Variants in FAF1 observed in about 807,000 individuals in gnomAD.
FAF1 encodes Fas associated factor 1.
FAF1 carries 25 observed loss-of-function variants against 92.5 expected under a neutral mutation model. The observed-to-expected ratio is 0.27, with a 90% confidence interval of 0.20 to 0.38. FAF1 has a LOEUF of 0.38. FAF1 is among the 10% of genes least tolerant of loss of function. FAF1 has a pLI of 1.00. For missense variants in FAF1, 636 were observed against 793.3 expected, an observed-to-expected ratio of 0.80 and a Z score of 2.38; for synonymous variants, 234 against 273.2, an observed-to-expected ratio of 0.86 and a Z score of 1.42.
At chr1:50,915,142 G>C (rs139315033) in intron 1 of FAF1, among the ~76,000 whole-genome samples, 2,013 of 152,136 alleles carry the variant, frequency 0.013, 39 homozygotes, top group African/African-American at 0.047. Flanking sequence ...AGGCTGAGGC[G>C]GACAGATCAC....
intron 6 of FAF1, among the ~76,000 whole-genome samples, chr1:50,718,793 C>T (rs1251588330): frequency 2.0e-5 from 3 of 152,036 alleles, no homozygotes; most frequent in Non-Finnish European, 4.4e-5. Context: ...TCTTTTGTCT[C>T]TTTAGGAATA....
At chr1:50,638,763 G>C (rs1654184251) in intron 8 of FAF1, among the ~76,000 whole-genome samples, 1 of 152,052 alleles carries the variant, frequency 6.6e-6, no homozygotes, top group African/African-American at 2.4e-5. Context: ...CTTTTTCATA[G>C]AGTCCTTCTA....
rs192686450 is a variant in FAF1, at chr1:50,753,839, C to A, written c.368-9064G>T. On this transcript the variant is annotated intron_variant, in intron 4 of 18. Transcript: ENST00000396153. ...GTGGTGCGATCTCGGCTCACTGCAACCTCTGCCTCCAGGATTCAAGCAATT... is the reference window on the plus strand; with the variant it reads ...GTGGTGCGATCTCGGCTCACTGCAAACTCTGCCTCCAGGATTCAAGCAATT... Among the ~76,000 whole-genome samples, 8 of 150,990 alleles carry A rather than the reference C, an allele frequency of 5.3e-5. No individual in the cohort carries two copies. In the East Asian group the frequency reaches 1.2e-3, roughly 22 times the overall value.
intron 12 of FAF1, among the ~76,000 whole-genome samples, chr1:50,567,483 T>C (rs1384311532): frequency 6.6e-6 from 1 of 152,134 alleles, no homozygotes; most frequent in African/African-American, 2.4e-5. Flanking sequence ...TCTGTTGACA[T>C]GTGCAAGCCT....
Position 50,680,452 on chromosome 1 carries a change from G to A in FAF1, c.658-24924C>T, listed in dbSNP as rs966167813. ...AATCCCAGAACTTTGGGAGGCCGAG[G>A]CAGGCAGATCACCTGAGGTCAGGAG... On this transcript the variant is annotated intron_variant, in intron 7 of 18. Transcript: ENST00000396153. 2.6e-5 allele frequency among the ~76,000 whole-genome samples: 4 copies of A among 152,104 alleles called. No individual in the cohort carries two copies. In the East Asian group the frequency reaches 7.7e-4, roughly 29 times the overall value.
intron 14 of FAF1, 89 bp from the exon 15 acceptor site, chr1:50,535,546 T>TAGAATTAACC: frequency 1.4e-6 from 1 of 690,136 alleles, no homozygotes; most frequent in Non-Finnish European, 2.4e-6. Context: ...AAAGTCATTC[T>TAGAATTAACC]AGAATTAACC....
intron 7 of FAF1, among the ~76,000 whole-genome samples, chr1:50,700,599 C>A (rs905457602): frequency 9.2e-5 from 14 of 152,042 alleles, no homozygotes; most frequent in Non-Finnish European, 1.8e-4. Flanking sequence ...ATAAAAAAAT[C>A]TTATGTTTAT....
chr1:50,953,994 G>A (rs2124766027), intron 1 of FAF1, among the ~76,000 whole-genome samples: 2 of 151,904 alleles, frequency 1.3e-5, no homozygotes, highest in Middle Eastern at 6.8e-3. Context: ...TGTCGCCCAG[G>A]CTGGAGTGCA....
intron 2 of FAF1, among the ~76,000 whole-genome samples, chr1:50,836,951 C>CTTTTTTTTTT (rs528322924): frequency 2.3e-4 from 18 of 76,704 alleles, no homozygotes; most frequent in South Asian, 1.1e-3. Context: ...TGTTATGTTT[C>CTTTTTTTTTT]TTTTTTTTTT....
chr1:50,890,773 T>C (rs568828624), intron 1 of FAF1, among the ~76,000 whole-genome samples: 37 of 152,318 alleles, frequency 2.4e-4, no homozygotes, highest in Admixed American at 1.3e-3. Context: ...AACTCGACCT[T>C]TCTCTCTGGC....
At chr1:50,779,777 T>C (rs1189969584) in intron 4 of FAF1, among the ~76,000 whole-genome samples, 1 of 151,834 alleles carries the variant, frequency 6.6e-6, no homozygotes, top group Non-Finnish European at 1.5e-5. Context: ...CCATAGATAA[T>C]ACATTTTTTA....
intron 1 of FAF1, among the ~76,000 whole-genome samples, chr1:50,947,233 T>C (rs888629596): frequency 6.6e-6 from 1 of 152,182 alleles, no homozygotes; most frequent in Admixed American, 6.5e-5. Flanking sequence ...GAGAAGAAGC[T>C]TTCCTCTCAC....
At chr1:50,491,611 A>G in intron 16 of FAF1, 110 bp downstream of exon 16, 1 of 694,830 alleles carries the variant, frequency 1.4e-6, no homozygotes, top group Admixed American at 2.7e-5. Flanking sequence ...AACTAAATCT[A>G]GCTTTCTCTA....
At chr1:50,541,695 A>G (rs553204583) in intron 13 of FAF1, among the ~76,000 whole-genome samples, 2 of 152,228 alleles carry the variant, frequency 1.3e-5, no homozygotes, top group Admixed American at 1.3e-4. Flanking sequence ...GCTATTAAGT[A>G]CTAGTACTAG....
chr1:50,904,364 G>A (rs1644818900), intron 1 of FAF1, among the ~76,000 whole-genome samples: 3 of 152,298 alleles, frequency 2.0e-5, no homozygotes, highest in South Asian at 2.1e-4. Flanking sequence ...GGGGAATGGG[G>A]AAATGAGGAA....
At chr1:50,756,296 G>A (rs912919815) in intron 4 of FAF1, among the ~76,000 whole-genome samples, 1 of 149,432 alleles carries the variant, frequency 6.7e-6, no homozygotes, top group Non-Finnish European at 1.5e-5. Context: ...AAATCTCTAG[G>A]GCAGAGGCAA....
At chr1:50,727,878 C>T (rs1237569527) in intron 6 of FAF1, among the ~76,000 whole-genome samples, 9 of 152,132 alleles carry the variant, frequency 5.9e-5, no homozygotes, top group Admixed American at 5.9e-4. Context: ...TAGTGGTTTG[C>T]CAGGAGCTCT....
At chr1:50,758,177 C>A (rs1158847829) in intron 4 of FAF1, among the ~76,000 whole-genome samples, 1 of 152,178 alleles carries the variant, frequency 6.6e-6, no homozygotes, top group African/African-American at 2.4e-5. Flanking sequence ...CTTGGCCTCC[C>A]AAAGTGCTGG....
intron 6 of FAF1, among the ~76,000 whole-genome samples, chr1:50,738,270 C>T (rs1659219765): frequency 6.6e-6 from 1 of 151,778 alleles, no homozygotes; most frequent in Non-Finnish European, 1.5e-5. Context: ...ATGGAGAAAC[C>T]CCATCTCTAC....
Sources: allele counts gnomAD v4.1 joint callset (sites outside exome capture counted in the v4.1 genomes callset), GRCh38; gene constraint gnomAD v4.1.1; transcripts MANE v1.5; gene names NCBI Gene and HGNC (gene_info 2026-07-23, HGNC 2026-07-21).